The following CDH13 variants were observed in gnomAD, a reference collection of about 807,000 sequenced individuals.
The protein encoded by CDH13 is cadherin 13, also known as cadherin-13.
CDH13 carries 24 observed loss-of-function variants against 63.8 expected under a neutral mutation model. The ratio of observed to expected loss-of-function variants is 0.38; its 90% CI spans 0.27 to 0.53. The LOEUF is 0.53. CDH13 is among the 20% of genes least tolerant of loss of function. The pLI is 0.85. For synonymous variants in CDH13, 503 were observed against 355.3 expected (o/e 1.42, Z -4.67); for missense variants, 1,049 against 903.1 (o/e 1.16, Z -2.07).
chr16:82,826,997 A>G (rs1473797675), intron 1 of CDH13, among the ~76,000 whole-genome samples: 1 of 152,216 alleles, frequency 6.6e-6, no homozygotes, highest in South Asian at 2.1e-4. Context: ...CTTTGGAAGA[A>G]TTCATCCAGC....
At chr16:83,349,900 C>G (rs1406267363) in intron 6 of CDH13, among the ~76,000 whole-genome samples, 1 of 151,974 alleles carries the variant, frequency 6.6e-6, no homozygotes, top group Non-Finnish European at 1.5e-5. Context: ...GCACCTGGCC[C>G]TTGAGGTGCA....
chr16:83,511,727 A>G (rs2074571181), intron 7 of CDH13, among the ~76,000 whole-genome samples: 2 of 152,226 alleles, frequency 1.3e-5, no homozygotes, highest in Admixed American at 6.5e-5. Context: ...GTCCTATTGA[A>G]GAATGAAATC....
intron 2 of CDH13, among the ~76,000 whole-genome samples, chr16:82,969,312 G>C (rs908028382): frequency 1.3e-5 from 2 of 151,898 alleles, no homozygotes; most frequent in African/African-American, 4.8e-5. Flanking sequence ...GAATGAATGT[G>C]GCTGTGTTTC....
intron 10 of CDH13, among the ~76,000 whole-genome samples, chr16:83,696,715 G>A (rs78817121): frequency 0.015 from 2,264 of 152,192 alleles, 62 homozygotes; most frequent in African/African-American, 0.052. Flanking sequence ...TAGAATCTCC[G>A]CAGTTCTTGC....
At chr16:83,107,775 A>G (rs1021809731) in intron 3 of CDH13, among the ~76,000 whole-genome samples, 1 of 143,488 alleles carries the variant, frequency 7.0e-6, no homozygotes, top group Non-Finnish European at 1.5e-5. Context: ...CATTCCTCTG[A>G]CTCTTTGTCC....
chr16:83,577,810 A>G lies in CDH13; in HGVS notation c.961-24644A>G, dbSNP rs1598319288. Among the ~76,000 whole-genome samples, 3 of 152,366 alleles carry G rather than the reference A, an allele frequency of 2.0e-5. No homozygotes were observed. The Middle Eastern group carries it at 0.01, about 518-fold the overall frequency. ...CTTAGTCTTTTATGACCACTAAATA[A>G]TACGTGTTTACTGTAAGGAAAGGAC... is the stretch of plus-strand genomic sequence containing the variant. On this transcript the variant is annotated intron_variant, in intron 7 of 13. Transcript: ENST00000567109.
intron 6 of CDH13, among the ~76,000 whole-genome samples, chr16:83,360,774 C>T (rs746174877): frequency 6.6e-6 from 1 of 152,254 alleles, no homozygotes; most frequent in South Asian, 2.1e-4. Flanking sequence ...CATGTTGCTA[C>T]AAAGGATATG....
chr16:83,493,172 T>C (rs2074057896), intron 7 of CDH13, among the ~76,000 whole-genome samples: 2 of 152,228 alleles, frequency 1.3e-5, no homozygotes, highest in East Asian at 1.9e-4. Flanking sequence ...GTGATACTTA[T>C]CTATAAGCAC....
At chr16:82,731,307 A>C (rs1344476024) in intron 1 of CDH13, among the ~76,000 whole-genome samples, 1 of 152,262 alleles carries the variant, frequency 6.6e-6, no homozygotes, top group East Asian at 1.9e-4. Context: ...ATATATAAAT[A>C]AATGAGTATG....
At chr16:83,014,828 T>TTTGTATATATA (rs1914583555) in intron 2 of CDH13, among the ~76,000 whole-genome samples, 2 of 87,802 alleles carry the variant, frequency 2.3e-5, no homozygotes, top group East Asian at 2.8e-4. Context: ...ATATATATAT[T>TTTGTATATATA]TGTATATATA....
intron 10 of CDH13, among the ~76,000 whole-genome samples, chr16:83,746,343 C>A (rs1179380025): frequency 1.3e-5 from 2 of 152,126 alleles, no homozygotes; most frequent in Admixed American, 6.5e-5. Context: ...TGGTCTTCTC[C>A]TTTTCTGTGT....
intron 3 of CDH13, among the ~76,000 whole-genome samples, chr16:83,094,972 G>A (rs191092993): frequency 1.3e-5 from 2 of 152,268 alleles, no homozygotes; most frequent in African/African-American, 4.8e-5. Context: ...TGAGCTTGAG[G>A]TCCTATTGTA....
rs910887701 is a variant in CDH13, at chr16:83,420,355, A to G, written c.782-66122A>G. On this transcript the variant is annotated intron_variant, in intron 6 of 13. Transcript: ENST00000567109. ...GAGATTCGAAGCAGTTGAATTCTCA[A>G]GCAGCGTTCAGACACAGAGATTAAT... Among the ~76,000 whole-genome samples, 2 of 152,194 alleles carry G rather than the reference A, an allele frequency of 1.3e-5. 1 individual carries two copies. Among genetic ancestry groups the G allele is most frequent in the East Asian group, 3.9e-4 (2 of 5,190 alleles).
intron 10 of CDH13, among the ~76,000 whole-genome samples, chr16:83,693,972 G>A (rs1316670916): frequency 6.6e-6 from 1 of 152,204 alleles, no homozygotes; most frequent in Non-Finnish European, 1.5e-5. Flanking sequence ...AGCAAAAGAG[G>A]ACGTGACAAT....
intron 6 of CDH13, among the ~76,000 whole-genome samples, chr16:83,386,469 C>T (rs117540650): frequency 0.023 from 3,465 of 152,244 alleles, 49 homozygotes; most frequent in Non-Finnish European, 0.034. Flanking sequence ...TTGATGTATG[C>T]TCTTCTAGGA....
At chr16:83,182,058 G>A (rs570188880) in intron 4 of CDH13, among the ~76,000 whole-genome samples, 17 of 152,270 alleles carry the variant, frequency 1.1e-4, no homozygotes, top group Admixed American at 5.2e-4. Context: ...GGAAAAGTGT[G>A]CATTGTCTGG....
At chr16:83,053,327 A>T (rs540560140) in intron 3 of CDH13, among the ~76,000 whole-genome samples, 1 of 152,308 alleles carries the variant, frequency 6.6e-6, no homozygotes, top group South Asian at 2.1e-4. Context: ...GGACTCTGTT[A>T]TCCTTTCTTC....
intron 4 of CDH13, among the ~76,000 whole-genome samples, chr16:83,155,820 C>G (rs1198841897): frequency 6.6e-6 from 1 of 152,210 alleles, no homozygotes; most frequent in Non-Finnish European, 1.5e-5. Flanking sequence ...CAGGTAAACA[C>G]ACAATGCCAC....
chr16:82,836,959 C>G (rs7193604), intron 1 of CDH13, among the ~76,000 whole-genome samples: 27,655 of 152,172 alleles, frequency 0.18, 2,795 homozygotes, highest in Admixed American at 0.24. Context: ...AATAGTCTTT[C>G]TTATAACAAA....
Sources: gnomAD v4.1 joint callset for allele counts (sites outside exome capture counted in the v4.1 genomes callset) on GRCh38, gnomAD v4.1.1 for gene constraint, MANE v1.5 for transcripts, NCBI Gene and HGNC (gene_info 2026-07-23, HGNC 2026-07-21) for gene names.